ABCD3: variants seen among roughly 807,000 people sequenced by gnomAD.
The protein encoded by ABCD3 is ATP binding cassette subfamily D member 3.
Under a neutral mutation model 105.5 loss-of-function variants are expected in ABCD3, and 41 were observed. The observed-to-expected ratio is 0.39, with a 90% CI of 0.30 to 0.50. The LOEUF (loss-of-function observed/expected upper bound fraction) is 0.50, where lower values mean the gene tolerates loss of function less well. Ranked by LOEUF, ABCD3 falls within the 20% of genes least tolerant of loss-of-function variation. The probability of loss-of-function intolerance (pLI) is 0.84; values close to 1 mark genes in which losing one functional copy is unlikely to be tolerated. For missense variants in ABCD3, 622 were observed against 806.3 expected (o/e 0.77, Z 2.77); for synonymous variants, 258 against 269.0 (o/e 0.96, Z 0.40).
chr1:94,463,902 G>A (rs1028393412), intron 2 of ABCD3, among the ~76,000 whole-genome samples: 2 of 152,034 alleles, frequency 1.3e-5, no homozygotes, highest in Non-Finnish European at 2.9e-5. Context: ...CAGCAATACT[G>A]CCATCTTGCT....
intron 20 of ABCD3, among the ~76,000 whole-genome samples, chr1:94,503,589 A>G (rs1650208821): frequency 1.3e-5 from 2 of 151,956 alleles, no homozygotes; most frequent in Non-Finnish European, 2.9e-5. Context: ...TAAAAAGCAA[A>G]CTCTGCCTTA....
At chr1:94,475,539 T>C in intron 6 of ABCD3, 75 bp from the exon 7 acceptor site, 2 of 1,465,230 alleles carry the variant, frequency 1.4e-6, no homozygotes, top group Non-Finnish European at 1.9e-6. Flanking sequence ...CTAGGTGGTG[T>C]AATATGATTT....
chr1:94,402,432 T>G, the ABCD3 span, among the ~76,000 whole-genome samples: 2 of 152,208 alleles, frequency 1.3e-5, no homozygotes, highest in Non-Finnish European at 2.9e-5. Flanking sequence ...TGTGTGCTCT[T>G]TATGTATGTG....
chr1:94,397,733 A>G, the ABCD3 span, among the ~76,000 whole-genome samples: 2 of 152,146 alleles, frequency 1.3e-5, no homozygotes, highest in African/African-American at 4.8e-5. Context: ...CAAGTTACTA[A>G]CTTCAATTAA....
chr1:94,414,041 C>T (rs1658959235), upstream of ABCD3, among the ~76,000 whole-genome samples: 1 of 152,020 alleles, frequency 6.6e-6, no homozygotes, highest in East Asian at 1.9e-4. Context: ...CAAGGGAAGA[C>T]TACAGAAGTG....
At chr1:94,438,291 CACACACACAT>C (rs1218661773) in intron 1 of ABCD3, among the ~76,000 whole-genome samples, 103 of 131,206 alleles carry the variant, frequency 7.9e-4, no homozygotes, top group African/African-American at 2.8e-3. Context: ...ATCACACACA[CACACACACAT>C]ACACACACAC....
chr1:94,447,985 A>T (rs1660422358), intron 1 of ABCD3, among the ~76,000 whole-genome samples: 1 of 152,190 alleles, frequency 6.6e-6, no homozygotes, highest in African/African-American at 2.4e-5. Flanking sequence ...TTAACAAAAG[A>T]AGCTGAGGCA....
At chr1:94,493,738 A>G (rs1649652506) in intron 16 of ABCD3, among the ~76,000 whole-genome samples, 1 of 152,242 alleles carries the variant, frequency 6.6e-6, no homozygotes, top group South Asian at 2.1e-4. Flanking sequence ...TGTGGCACAT[A>G]TACACCATGG....
At chr1:94,500,424 G>A (rs1455829259) in intron 20 of ABCD3, among the ~76,000 whole-genome samples, 1 of 152,088 alleles carries the variant, frequency 6.6e-6, no homozygotes, top group African/African-American at 2.4e-5. Flanking sequence ...CTGGGCGATA[G>A]AAGGAGATCG....
intron 1 of ABCD3, among the ~76,000 whole-genome samples, chr1:94,435,641 T>C (rs764524142): frequency 2.6e-4 from 39 of 152,234 alleles, no homozygotes; most frequent in Non-Finnish European, 5.9e-5. Context: ...TATGGTGATA[T>C]TTGAATTCTG....
intron 2 of ABCD3, among the ~76,000 whole-genome samples, chr1:94,464,432 C>T (rs1481164677): frequency 1.3e-5 from 2 of 151,854 alleles, no homozygotes; most frequent in Admixed American, 1.3e-4. Context: ...GTGATGGTAC[C>T]TTCCTCACAG....
chr1:94,476,827 T>C (rs1394325180), intron 7 of ABCD3, among the ~76,000 whole-genome samples: 1 of 152,052 alleles, frequency 6.6e-6, no homozygotes, highest in Non-Finnish European at 1.5e-5. Flanking sequence ...TACAAATAGT[T>C]CAGTAATTAA....
At chr1:94,454,932 G>A (rs1444825296) in intron 1 of ABCD3, among the ~76,000 whole-genome samples, 3 of 152,166 alleles carry the variant, frequency 2.0e-5, no homozygotes, top group Non-Finnish European at 2.9e-5. Flanking sequence ...GATTACAGGC[G>A]TGAGCCACCA....
At chr1:94,404,773 G>A in the ABCD3 span, among the ~76,000 whole-genome samples, 46 of 151,502 alleles carry the variant, frequency 3.0e-4, no homozygotes, top group African/African-American at 9.0e-4. Flanking sequence ...GTTAAAGTTA[G>A]CATCCTTCAT....
intron 13 of ABCD3, among the ~76,000 whole-genome samples, chr1:94,488,731 A>G (rs946424851): frequency 1.3e-5 from 2 of 152,128 alleles, no homozygotes; most frequent in South Asian, 2.1e-4. Context: ...TGAGAATACT[A>G]ACATTCTTCC....
intron 10 of ABCD3, among the ~76,000 whole-genome samples, chr1:94,486,098 A>C (rs990030236): frequency 2.6e-5 from 4 of 152,048 alleles, no homozygotes; most frequent in African/African-American, 9.7e-5. Flanking sequence ...AGGCTGAGGC[A>C]GGAGAATCAC....
intron 2 of ABCD3, among the ~76,000 whole-genome samples, chr1:94,459,575 A>G (rs1331412592): frequency 6.6e-6 from 1 of 152,206 alleles, no homozygotes; most frequent in Admixed American, 6.5e-5. Context: ...TGTATTTTTG[A>G]CAACTCTATA....
At chr1:94,427,445 C>T (rs1268402917) in intron 1 of ABCD3, among the ~76,000 whole-genome samples, 1 of 152,066 alleles carries the variant, frequency 6.6e-6, no homozygotes, top group Non-Finnish European at 1.5e-5. Flanking sequence ...TAAAAGTTAC[C>T]ACTTCCTTCT....
chr1:94,517,676 C>T lies in ABCD3; in HGVS notation c.*547C>T. 1 of 161,066 alleles carries T rather than the reference C, an allele frequency of 6.2e-6. No individual in the cohort carries two copies. The highest frequency in any genetic ancestry group is 1.4e-5 in the Non-Finnish European group (1 of 73,146). The allele number at this position is 161,066 out of a possible 1,614,324, so 10.0% of individuals were successfully genotyped here. ...TTTCTTTAGCTGCCACAGTAATACT[C>T]ATTCCTTGTGTGTGTCTTGGAGTGC... is the stretch of plus-strand genomic sequence containing the variant. On this transcript the variant is annotated 3_prime_UTR_variant, in exon 23 of 23. Coordinates refer to ENST00000370214, the MANE Select transcript of ABCD3 (RefSeq NM_002858.4).
Sources: allele counts gnomAD v4.1 joint callset (sites outside exome capture counted in the v4.1 genomes callset), GRCh38; gene constraint gnomAD v4.1.1; transcripts MANE v1.5; gene names NCBI Gene and HGNC (gene_info 2026-07-23, HGNC 2026-07-21).